The following FBXL4 variants were observed in gnomAD, a reference collection of about 807,000 sequenced individuals.
FBXL4 encodes F-box and leucine rich repeat protein 4.
A neutral mutation model predicts 58.9 loss-of-function variants in FBXL4; 40 were observed. The observed-to-expected ratio is 0.68, with a 90% CI of 0.53 to 0.88. The LOEUF is 0.88. Ranked by LOEUF, FBXL4 falls within the 40% of genes least tolerant of loss-of-function variation. The pLI is 0.00. For missense variants in FBXL4, 676 were observed against 734.4 expected, an observed-to-expected ratio of 0.92 and a Z score of 0.92; for synonymous variants, 263 against 265.5, an observed-to-expected ratio of 0.99 and a Z score of 0.09.
At chr6:98,934,961 C>T (rs1403516853) in intron 1 of FBXL4, 82 bp from the exon 2 acceptor site, 1 of 152,084 alleles carries the variant, frequency 6.6e-6, no homozygotes, top group African/African-American at 2.4e-5. Flanking sequence ...CTCAAAAATG[C>T]AAGGAAATAA....
chr6:98,878,103 A>G (rs917452023), intron 8 of FBXL4, among the ~76,000 whole-genome samples: 2 of 152,200 alleles, frequency 1.3e-5, no homozygotes, highest in African/African-American at 4.8e-5. Context: ...CTACAGAGAA[A>G]GTATGCCATG....
intron 6 of FBXL4, among the ~76,000 whole-genome samples, chr6:98,900,663 C>T (rs1771574472): frequency 6.6e-6 from 1 of 152,072 alleles, no homozygotes; most frequent in South Asian, 2.1e-4. Context: ...GGTCAAAGCA[C>T]CCCATAAACA....
chr6:98,918,345 C>T (rs1772450408), intron 4 of FBXL4, among the ~76,000 whole-genome samples: 1 of 152,020 alleles, frequency 6.6e-6, no homozygotes, highest in African/African-American at 2.4e-5. Flanking sequence ...ATAACATTCT[C>T]CTATTCCTCC....
rs773848977 is a variant in FBXL4 at position 98,926,436 on chromosome 6, T to C, written c.512+41A>G. On this transcript the variant is annotated intron_variant, in intron 4 of 9. Transcript: ENST00000369244. Reference sequence around the variant, plus strand: ...ATCTCCAATATTAACAACCAAAACCTTTCTACCATATAACTTAGGTCATTA... The same window carrying C: ...ATCTCCAATATTAACAACCAAAACCCTTCTACCATATAACTTAGGTCATTA... The C allele has an allele frequency of 7.2e-6, 11 of 1,527,590 alleles. No homozygotes were observed. The African/African-American group carries it at 1.5e-4, about 21-fold the overall frequency. 94.6% of individuals were successfully genotyped at this position (1,527,590 alleles called of 1,614,324 possible).
At chr6:98,934,267 TTCTTA>T (rs1459472880) in intron 2 of FBXL4, among the ~76,000 whole-genome samples, 2 of 152,094 alleles carry the variant, frequency 1.3e-5, no homozygotes, top group East Asian at 3.9e-4. Flanking sequence ...GAAAAAGAAT[TTCTTA>T]AAGAGATAAC....
intron 2 of FBXL4, among the ~76,000 whole-genome samples, chr6:98,931,399 AAT>A (rs955490462): frequency 6.6e-6 from 1 of 152,232 alleles, no homozygotes; most frequent in Non-Finnish European, 1.5e-5. Flanking sequence ...ATAAACTGTA[AAT>A]ATATGTGTTA....
In FBXL4 at chr6:98,880,656, T is replaced by C. The variant is rs780970355; in HGVS notation, c.1318-32A>G. 5.1e-6 allele frequency: 8 copies of C among 1,581,662 alleles called. No individual in the cohort carries two copies. In the Admixed American group the frequency reaches 8.3e-5, roughly 16 times the overall value. Reference sequence around the variant, plus strand: ...TTAGGGACCACATCAGAGGCAAATATGGAAAGTGAATGAAAGTGAAACAAA... The same window carrying C: ...TTAGGGACCACATCAGAGGCAAATACGGAAAGTGAATGAAAGTGAAACAAA... On this transcript the variant is annotated intron_variant, in intron 7 of 9. Transcript: ENST00000369244.
chr6:98,900,401 A>G (rs1313419417), intron 6 of FBXL4, among the ~76,000 whole-genome samples: 1 of 152,212 alleles, frequency 6.6e-6, no homozygotes, highest in Non-Finnish European at 1.5e-5. Flanking sequence ...TGATTTAATG[A>G]GCTTACAAAT....
Position 98,905,560 on chromosome 6 carries a change from G to A in FBXL4, c.969C>T (p.Leu323=). 1.2e-6 allele frequency: 2 copies of A among 1,614,034 alleles called. No homozygotes were observed. The highest frequency in any genetic ancestry group is 2.2e-5 in the South Asian group (2 of 91,084). Residue 323 remains leucine (L), a synonymous_variant, in exon 6 of 10, where the codon CTC becomes CTT. Coordinates refer to ENST00000369244, the MANE Select transcript of FBXL4 (RefSeq NM_001278716.2). ...HCCDPLQYIH[L]NLQPYWAKLD... is the part of the protein sequence containing the mutation. ...GTTTTGCCCAGTATGGTTGCAGATT[G>A]AGGTGGATGTATTGCAGAGGATCAC...
At chr6:98,882,500 A>T (rs1770888365) in intron 7 of FBXL4, among the ~76,000 whole-genome samples, 1 of 152,016 alleles carries the variant, frequency 6.6e-6, no homozygotes, top group African/African-American at 2.4e-5. Flanking sequence ...GCTCTAGTCC[A>T]CTAATCTTTA....
intron 1 of FBXL4, among the ~76,000 whole-genome samples, chr6:98,939,148 G>C (rs1452438173): frequency 6.7e-6 from 1 of 149,468 alleles, no homozygotes; most frequent in Non-Finnish European, 1.5e-5. Context: ...GAGGAAGGGA[G>C]ATGAAATGAA....
At chr6:98,909,034 A>G (rs1408320801) in intron 5 of FBXL4, among the ~76,000 whole-genome samples, 1 of 152,154 alleles carries the variant, frequency 6.6e-6, no homozygotes. Flanking sequence ...TTCTGTTTGC[A>G]TTTTAATTGG....
Position 98,927,078 on chromosome 6 carries a change from TTGG to T in FBXL4, c.-72-21_-72-19del. On this transcript the variant is annotated intron_variant, in intron 3 of 9. Transcript: ENST00000369244. Reference sequence around the variant, plus strand: ...AGGATGTTCTAAAAAAATGAATGGCTTGGTGAAGTAAAATAATTTAAATAAGCA... The same window carrying T: ...AGGATGTTCTAAAAAAATGAATGGCTTGAAGTAAAATAATTTAAATAAGCA... 7.8e-7 allele frequency: 1 copy of T among 1,285,860 alleles called. No individual in the cohort carries two copies. The highest frequency in any genetic ancestry group is 2.3e-5 in the East Asian group (1 of 43,036). 79.7% of individuals were successfully genotyped at this position (1,285,860 alleles called of 1,614,324 possible). A position where few individuals can be genotyped will look rare whatever the true frequency, so the allele number is the denominator to read the frequency against.
chr6:98,931,978 T>C (rs1773030795), intron 2 of FBXL4, among the ~76,000 whole-genome samples: 1 of 152,212 alleles, frequency 6.6e-6, no homozygotes, highest in African/African-American at 2.4e-5. Context: ...GAACCAAGTG[T>C]AAAAGATACA....
chr6:98,874,535 T>C, intron 9 of FBXL4, 94 bp from the exon 10 acceptor site: 6 of 1,328,386 alleles, frequency 4.5e-6, no homozygotes, highest in Non-Finnish European at 6.1e-6. Context: ...GATTTATTGT[T>C]TGTAATGAAC....
intron 7 of FBXL4, 196 bp downstream of exon 7, chr6:98,899,072 C>T (rs774895291): frequency 2.1e-5 from 21 of 985,240 alleles, no homozygotes; most frequent in Non-Finnish European, 2.5e-5. Context: ...AAGAACATTT[C>T]CTTATAATTT....
At chr6:98,937,407 T>C (rs1773261479) in intron 1 of FBXL4, among the ~76,000 whole-genome samples, 1 of 152,194 alleles carries the variant, frequency 6.6e-6, no homozygotes, top group Admixed American at 6.5e-5. Flanking sequence ...GATTAACATA[T>C]TTTGTAAGTT....
intron 7 of FBXL4, among the ~76,000 whole-genome samples, chr6:98,884,460 A>G (rs972548182): frequency 6.6e-6 from 1 of 152,156 alleles, no homozygotes; most frequent in Non-Finnish European, 1.5e-5. Context: ...ATCTAGAACG[A>G]AAGTTTAGCT....
chr6:98,893,960 C>CTCGA (rs763025091), intron 7 of FBXL4, among the ~76,000 whole-genome samples: 9 of 152,160 alleles, frequency 5.9e-5, no homozygotes, highest in Non-Finnish European at 8.8e-5. Flanking sequence ...TCACTGTAGC[C>CTCGA]TCGACCTCCT....
Sources: gnomAD v4.1 joint callset for allele counts (sites outside exome capture counted in the v4.1 genomes callset) on GRCh38, gnomAD v4.1.1 for gene constraint, MANE v1.5 for transcripts, NCBI Gene and HGNC (gene_info 2026-07-23, HGNC 2026-07-21) for gene names.